The following SLC14A2 variants were observed in gnomAD, a reference collection of about 807,000 sequenced individuals.
SLC14A2 encodes solute carrier family 14 member 2, also known as urea transporter 2.
SLC14A2 carries 91 observed loss-of-function variants against 104.6 expected under a neutral mutation model. That is an observed-to-expected ratio of 0.87 (90% CI 0.73 to 1.04). The LOEUF (loss-of-function observed/expected upper bound fraction) is 1.04. Among genes scored for constraint, SLC14A2 ranks in the 50% least tolerant of loss-of-function variants. The probability of loss-of-function intolerance (pLI) is 0.00; values close to 1 mark genes in which losing one functional copy is unlikely to be tolerated. For synonymous variants in SLC14A2, 476 were observed against 466.4 expected, an observed-to-expected ratio of 1.02 and a Z score of -0.27; for missense variants, 1,189 against 1,156.0, an observed-to-expected ratio of 1.03 and a Z score of -0.41.
At chr18:45,561,191 C>T (rs2044196384) in intron 2 of SLC14A2, among the ~76,000 whole-genome samples, 1 of 152,018 alleles carries the variant, frequency 6.6e-6, no homozygotes. Flanking sequence ...TGAGTATGTG[C>T]CATAACAGCT....
At chr18:45,275,829 C>T (rs2084696506) in intron 1 of SLC14A2, among the ~76,000 whole-genome samples, 1 of 152,088 alleles carries the variant, frequency 6.6e-6, no homozygotes, top group Admixed American at 6.5e-5. Context: ...GCTTACATTT[C>T]AATGAGGGAG....
chr18:45,511,822 C>T (rs1049816732), intron 2 of SLC14A2, among the ~76,000 whole-genome samples: 1 of 152,184 alleles, frequency 6.6e-6, no homozygotes, highest in African/African-American at 2.4e-5. Flanking sequence ...ATGAAGAGTA[C>T]AGATCCCAAG....
chr18:45,367,705 A>AT (rs2085680357), intron 1 of SLC14A2, among the ~76,000 whole-genome samples: 1 of 152,132 alleles, frequency 6.6e-6, no homozygotes, highest in Non-Finnish European at 1.5e-5. Context: ...TGATTCAAGT[A>AT]TTTACACCAT....
intron 1 of SLC14A2, among the ~76,000 whole-genome samples, chr18:45,454,617 G>T (rs1251105385): frequency 1.3e-5 from 2 of 152,064 alleles, no homozygotes; most frequent in Non-Finnish European, 2.9e-5. Context: ...GGTTTTCTTA[G>T]AGGATTTTTA....
chr18:45,399,341 T>C (rs1385410878), intron 1 of SLC14A2, among the ~76,000 whole-genome samples: 2 of 152,178 alleles, frequency 1.3e-5, no homozygotes, highest in Non-Finnish European at 2.9e-5. Context: ...AAGCTTGCAG[T>C]GCTGAGCGTG....
intron 2 of SLC14A2, chr18:45,529,409 G>A (rs558021048): frequency 2.0e-5 from 3 of 152,198 alleles, no homozygotes; most frequent in African/African-American, 7.2e-5. Context: ...CAGAAGTTGT[G>A]GTTCCTACAA....
At chr18:45,682,038 C>T (rs531328539) in intron 19 of SLC14A2, among the ~76,000 whole-genome samples, 1 of 152,180 alleles carries the variant, frequency 6.6e-6, no homozygotes, top group Non-Finnish European at 1.5e-5. Context: ...CAAAACACAG[C>T]CTCTACAAAA....
At chr18:45,647,538 T>C (rs902139397) in intron 10 of SLC14A2, 1 of 152,228 alleles carries the variant, frequency 6.6e-6, no homozygotes, top group African/African-American at 2.4e-5. Flanking sequence ...AAGGTTTAAA[T>C]GTTATTTTCT....
chr18:45,500,847 T>A (rs1039718981), intron 2 of SLC14A2, among the ~76,000 whole-genome samples: 4 of 152,158 alleles, frequency 2.6e-5, no homozygotes, highest in African/African-American at 9.7e-5. Context: ...GAGGTGGGAT[T>A]TTCACAGCAC....
At chr18:45,496,347 C>T (rs1364987957) in intron 2 of SLC14A2, among the ~76,000 whole-genome samples, 2 of 152,172 alleles carry the variant, frequency 1.3e-5, no homozygotes, top group East Asian at 1.9e-4. Flanking sequence ...CTTGGTGTGT[C>T]TGTGAGGATG....
chr18:45,381,409 C>A (rs117326126), intron 1 of SLC14A2, among the ~76,000 whole-genome samples: 2 of 152,178 alleles, frequency 1.3e-5, no homozygotes, highest in Non-Finnish European at 2.9e-5. Flanking sequence ...AGAGAAGGGA[C>A]GACCTCTTGA....
At chr18:45,634,114 C>T (rs189697550) in intron 5 of SLC14A2, among the ~76,000 whole-genome samples, 2 of 152,304 alleles carry the variant, frequency 1.3e-5, no homozygotes, top group East Asian at 3.9e-4. Flanking sequence ...ACACTGAGCA[C>T]CCCACCCTGG....
intron 2 of SLC14A2, among the ~76,000 whole-genome samples, chr18:45,587,424 G>A (rs777135078): frequency 4.6e-5 from 7 of 152,120 alleles, no homozygotes; most frequent in Non-Finnish European, 1.0e-4. Flanking sequence ...TGGGGCATAT[G>A]GTTAAAAAAT....
intron 1 of SLC14A2, among the ~76,000 whole-genome samples, chr18:45,232,743 G>T (rs2084187124): frequency 6.6e-6 from 1 of 152,160 alleles, no homozygotes; most frequent in Non-Finnish European, 1.5e-5. Context: ...AGTCACAAGG[G>T]CTTTAAGAGC....
rs2043280329 is a variant in SLC14A2 at position 45,506,109 on chromosome 18, GC to G, written c.-35+22788del. Among the ~76,000 whole-genome samples, 4 of 152,354 alleles carry G rather than the reference GC, an allele frequency of 2.6e-5. No individual in the cohort carries two copies. In the South Asian group the frequency reaches 8.3e-4, roughly 32 times the overall value. ...CAAGGCTGCAGCCAGCTTTGAGGCTGCAGGGGGACCTTGAAGGTGTCAGGTC... is the reference window on the plus strand; with the variant it reads ...CAAGGCTGCAGCCAGCTTTGAGGCTGAGGGGGACCTTGAAGGTGTCAGGTC... On this transcript the variant is annotated intron_variant, in intron 2 of 20. Coordinates refer to the SLC14A2 transcript ENST00000586448.
intron 2 of SLC14A2, among the ~76,000 whole-genome samples, chr18:45,513,569 T>C (rs531189966): frequency 6.6e-6 from 1 of 152,326 alleles, no homozygotes; most frequent in South Asian, 2.1e-4. Flanking sequence ...TTGACTATGA[T>C]ACATAGAAGT....
At chr18:45,388,144 C>T (rs1002856976) in intron 1 of SLC14A2, among the ~76,000 whole-genome samples, 5 of 140,228 alleles carry the variant, frequency 3.6e-5, no homozygotes, top group African/African-American at 1.4e-4. Flanking sequence ...GGCGAGATCT[C>T]GGCTCACTGC....
intron 1 of SLC14A2, among the ~76,000 whole-genome samples, chr18:45,253,216 G>A (rs2084441382): frequency 6.6e-6 from 1 of 152,292 alleles, no homozygotes; most frequent in African/African-American, 2.4e-5. Flanking sequence ...AGGTGATGCT[G>A]TTGTTGCTGG....
intron 2 of SLC14A2, among the ~76,000 whole-genome samples, chr18:45,522,372 C>T (rs753290323): frequency 2.0e-5 from 3 of 152,132 alleles, no homozygotes; most frequent in East Asian, 1.9e-4. Context: ...AAGGTAACCC[C>T]GGAAGGTGCA....
Sources: gnomAD v4.1 joint callset for allele counts (sites outside exome capture counted in the v4.1 genomes callset) on GRCh38, gnomAD v4.1.1 for gene constraint, MANE v1.5 for transcripts, NCBI Gene and HGNC (gene_info 2026-07-23, HGNC 2026-07-21) for gene names.